Variants in SGCD observed in about 807,000 individuals in gnomAD.
SGCD encodes the protein delta-sarcoglycan.
Under a neutral mutation model 36.6 loss-of-function variants are expected in SGCD, and 18 were observed. The ratio of observed to expected loss-of-function variants is 0.49; its 90% CI spans 0.34 to 0.73. The LOEUF is 0.73. SGCD is among the 30% of genes least tolerant of loss of function. SGCD has a pLI of 0.01. For synonymous variants in SGCD, 133 were observed against 130.6 expected, an observed-to-expected ratio of 1.02 and a Z score of -0.12; for missense variants, 387 against 346.7, an observed-to-expected ratio of 1.12 and a Z score of -0.92.
At chr5:156,582,572 C>A (rs1291830595) in intron 4 of SGCD, among the ~76,000 whole-genome samples, 4 of 152,190 alleles carry the variant, frequency 2.6e-5, no homozygotes. Context: ...TCATTCTTAG[C>A]CAAGGCATCC....
chr5:156,034,154 A>G (rs1759430672), intron 1 of SGCD, among the ~76,000 whole-genome samples: 2 of 152,198 alleles, frequency 1.3e-5, no homozygotes, highest in South Asian at 4.1e-4. Flanking sequence ...AGTCAAGCAG[A>G]AAAATGCTTT....
chr5:156,608,061 T>A (rs1037984878), intron 6 of SGCD, among the ~76,000 whole-genome samples: 1 of 152,214 alleles, frequency 6.6e-6, no homozygotes, highest in Admixed American at 6.5e-5. Context: ...TGCTCTGATC[T>A]TAGTTATTTC....
At chr5:156,244,547 G>A (rs987133793) in intron 3 of SGCD, among the ~76,000 whole-genome samples, 5 of 152,082 alleles carry the variant, frequency 3.3e-5, no homozygotes, top group African/African-American at 1.2e-4. Flanking sequence ...GTATTGAATG[G>A]TTTTACTCCT....
At chr5:156,181,269 A>G (rs1438811631) in intron 3 of SGCD, among the ~76,000 whole-genome samples, 1 of 152,212 alleles carries the variant, frequency 6.6e-6, no homozygotes, top group Non-Finnish European at 1.5e-5. Context: ...AAAGAGATAT[A>G]TAATCTCAGT....
chr5:155,980,886 AAAG>A (rs35406803), intron 1 of SGCD, among the ~76,000 whole-genome samples: 25,304 of 152,124 alleles, frequency 0.17, 2,387 homozygotes, highest in African/African-American at 0.25. Context: ...TTAAGCCAAG[AAAG>A]AAGAATTGTC....
At chr5:155,838,010 G>A in the SGCD span, among the ~76,000 whole-genome samples, 27 of 152,068 alleles carry the variant, frequency 1.8e-4, no homozygotes, top group Admixed American at 4.6e-4. Context: ...AGGAAACAGC[G>A]TAATGAACTT....
At chr5:155,988,112 T>C (rs541369050) in intron 1 of SGCD, among the ~76,000 whole-genome samples, 31 of 152,284 alleles carry the variant, frequency 2.0e-4, no homozygotes, top group African/African-American at 7.2e-4. Flanking sequence ...TAAACCCAGA[T>C]TTTTTGACTC....
upstream of SGCD, among the ~76,000 whole-genome samples, chr5:156,321,794 GAGA>G (rs1218704849): frequency 6.6e-6 from 1 of 152,212 alleles, no homozygotes; most frequent in Non-Finnish European, 1.5e-5. Context: ...GTGAAGCCTA[GAGA>G]AGAAGAGGGA....
the SGCD span, among the ~76,000 whole-genome samples, chr5:155,782,120 G>A: frequency 6.6e-6 from 1 of 151,036 alleles, no homozygotes; most frequent in Non-Finnish European, 1.5e-5. Flanking sequence ...TGCCTCCTGG[G>A]TTCAAGTGAT....
At chr5:156,340,352 A>G (rs1331618155) in intron 2 of SGCD, among the ~76,000 whole-genome samples, 1 of 152,142 alleles carries the variant, frequency 6.6e-6, no homozygotes, top group Non-Finnish European at 1.5e-5. Context: ...GGTCGTGTTT[A>G]TATCGCATCG....
intron 3 of SGCD, among the ~76,000 whole-genome samples, chr5:156,173,823 T>TAA (rs58745959): frequency 6.7e-6 from 1 of 150,038 alleles, no homozygotes; most frequent in African/African-American, 2.4e-5. Context: ...GATAGTAAAT[T>TAA]AAAAAAAAAA....
intron 1 of SGCD, among the ~76,000 whole-genome samples, chr5:156,101,482 C>T (rs919674014): frequency 6.6e-6 from 1 of 152,112 alleles, no homozygotes; most frequent in Admixed American, 6.6e-5. Context: ...TGAAGTGACA[C>T]CCAGAATCTA....
At chr5:156,411,797 A>G (rs541173500) in intron 3 of SGCD, among the ~76,000 whole-genome samples, 1 of 152,326 alleles carries the variant, frequency 6.6e-6, no homozygotes, top group East Asian at 1.9e-4. Context: ...AACTTTGTAA[A>G]TAACTTCTCA....
chr5:156,686,969 T>C (rs1489442590), intron 7 of SGCD, among the ~76,000 whole-genome samples: 1 of 152,144 alleles, frequency 6.6e-6, no homozygotes, highest in Non-Finnish European at 1.5e-5. Flanking sequence ...TTTTCAAGGA[T>C]ATCCAATGCT....
chr5:156,211,856 G>A lies in SGCD; in HGVS notation c.-44+87837G>A, dbSNP rs75399710. Among the ~76,000 whole-genome samples the A allele has an allele frequency of 2.7e-3, 415 of 152,056 alleles. 8 individuals are homozygous for A. In the East Asian group the frequency reaches 0.065, roughly 24 times the overall value. On this transcript the variant is annotated intron_variant, in intron 3 of 9. Coordinates refer to the SGCD transcript ENST00000517913. ...ATAAAAACAACTAAATTCTGACACC[G>A]AAAACAAAATGTAGGGTTGTGTGTG...
At chr5:155,851,562 A>C in the SGCD span, among the ~76,000 whole-genome samples, 1 of 152,184 alleles carries the variant, frequency 6.6e-6, no homozygotes, top group East Asian at 1.9e-4. Context: ...GACTTTTGAT[A>C]GTTTTGGGTT....
intron 3 of SGCD, among the ~76,000 whole-genome samples, chr5:156,385,210 A>G (rs1241015464): frequency 1.3e-5 from 2 of 152,158 alleles, no homozygotes; most frequent in East Asian, 3.9e-4. Flanking sequence ...TTCACAAACC[A>G]CCTTTCTTTT....
At chr5:155,747,076 G>C in the SGCD span, among the ~76,000 whole-genome samples, 2 of 152,016 alleles carry the variant, frequency 1.3e-5, no homozygotes, top group Non-Finnish European at 2.9e-5. Flanking sequence ...CTGGCCACCT[G>C]CCTACTCTAA....
At chr5:156,120,272 C>A (rs746086080) in intron 2 of SGCD, among the ~76,000 whole-genome samples, 12 of 151,800 alleles carry the variant, frequency 7.9e-5, no homozygotes, top group African/African-American at 2.4e-4. Context: ...AGGTGAGGAG[C>A]AAAGTAAGGA....
Sources: allele counts gnomAD v4.1 joint callset (sites outside exome capture counted in the v4.1 genomes callset), GRCh38; gene constraint gnomAD v4.1.1; transcripts MANE v1.5; gene names NCBI Gene and HGNC (gene_info 2026-07-23, HGNC 2026-07-21).